Variants in SFMBT2 observed in about 807,000 individuals in gnomAD.
The protein encoded by SFMBT2 is Scm like with four mbt domains 2.
SFMBT2 carries 38 observed loss-of-function variants against 110.1 expected under a neutral mutation model. The ratio of observed to expected loss-of-function variants is 0.35; its 90% CI spans 0.27 to 0.45. The LOEUF is 0.45. Ranked by LOEUF, SFMBT2 falls within the 20% of genes least tolerant of loss-of-function variation. SFMBT2 has a pLI of 1.00. For missense variants in SFMBT2, 1,011 were observed against 1,094.9 expected (o/e 0.92, Z 1.08); for synonymous variants, 425 against 425.4 (o/e 1.00, Z 0.01).
At chr10:7,198,100 C>A in intron 14 of SFMBT2, 1 of 985,404 alleles carries the variant, frequency 1.0e-6, no homozygotes, top group Non-Finnish European at 1.2e-6. Context: ...TCACCACACA[C>A]AGAAGCATGC....
chr10:7,348,298 G>A, intron 4 of SFMBT2: 1 of 1,529,662 alleles, frequency 6.5e-7, no homozygotes, highest in Non-Finnish European at 8.8e-7. Flanking sequence ...TAAGAAATAT[G>A]TTGAACAGAA....
intron 20 of SFMBT2, among the ~76,000 whole-genome samples, chr10:7,164,746 AACACACACACACACACAC>A (rs58744416): frequency 1.5e-4 from 21 of 137,846 alleles, no homozygotes; most frequent in Admixed American, 5.9e-4. Context: ...CATAAAGGGA[AACACACACACACACACAC>A]ACACACACAC....
intron 11 of SFMBT2, among the ~76,000 whole-genome samples, chr10:7,210,262 T>C (rs968897782): frequency 2.6e-5 from 4 of 152,194 alleles, no homozygotes; most frequent in African/African-American, 9.7e-5. Context: ...AAAAGGGAGA[T>C]GCTTATGGCT....
intron 4 of SFMBT2, among the ~76,000 whole-genome samples, chr10:7,319,673 A>C (rs981889665): frequency 1.3e-5 from 2 of 152,122 alleles, no homozygotes; most frequent in Non-Finnish European, 1.5e-5. Context: ...AGAGAGACAG[A>C]GAGAGACAAA....
intron 7 of SFMBT2, among the ~76,000 whole-genome samples, chr10:7,274,093 G>A (rs1292708465): frequency 6.6e-6 from 1 of 152,164 alleles, no homozygotes; most frequent in African/African-American, 2.4e-5. Context: ...GGAATACTAT[G>A]CAGCCCCTGC....
chr10:7,303,011 T>TAAA (rs34419665), intron 4 of SFMBT2, among the ~76,000 whole-genome samples: 1 of 150,448 alleles, frequency 6.6e-6, no homozygotes, highest in Non-Finnish European at 1.5e-5. Flanking sequence ...GTTACAATGT[T>TAAA]AAAAAAAAAA....
At chr10:7,342,396 CTTTTTTTTTTTTTTTTTT>C (rs71382101) in intron 4 of SFMBT2, among the ~76,000 whole-genome samples, 13 of 69,666 alleles carry the variant, frequency 1.9e-4, no homozygotes, top group South Asian at 1.0e-3. Context: ...TGGAGTGAGT[CTTTTTTTTTTTTTTTTTT>C]TTTTTTTTTT....
At chr10:7,409,755 G>T (rs1846321872) in intron 1 of SFMBT2, among the ~76,000 whole-genome samples, 1 of 151,838 alleles carries the variant, frequency 6.6e-6, no homozygotes, top group Admixed American at 6.6e-5. Context: ...CTTCAGCTGG[G>T]TTTTTTCCCA....
chr10:7,357,002 G>C (rs1173015583), intron 4 of SFMBT2, among the ~76,000 whole-genome samples: 1 of 152,330 alleles, frequency 6.6e-6, no homozygotes, highest in East Asian at 1.9e-4. Context: ...CAGCATTAAA[G>C]ATAATCCATG....
rs140835534 is a variant in SFMBT2, at chr10:7,282,920, C to G, written c.772+984G>C. 1.4e-3 allele frequency among the ~76,000 whole-genome samples: 210 copies of G among 152,310 alleles called. 2 individuals carry two copies. The highest frequency in any genetic ancestry group is 0.011 in the Admixed American group (165 of 15,302). Reference sequence around the variant, plus strand: ...AATACGTACTTCCTCCTTGGCATCTCTAATTCTACAAGAATCCAGTATTTC... The same window carrying G: ...AATACGTACTTCCTCCTTGGCATCTGTAATTCTACAAGAATCCAGTATTTC... On this transcript the variant is annotated intron_variant, in intron 6 of 20. Transcript: ENST00000397167.
At chr10:7,279,541 T>C (rs1379211074) in intron 6 of SFMBT2, among the ~76,000 whole-genome samples, 2 of 152,198 alleles carry the variant, frequency 1.3e-5, no homozygotes, top group Non-Finnish European at 2.9e-5. Context: ...CTGGTTATAC[T>C]AGCAAGTTAA....
chr10:7,309,280 G>A (rs756770581), intron 4 of SFMBT2, among the ~76,000 whole-genome samples: 4 of 152,160 alleles, frequency 2.6e-5, no homozygotes, highest in Non-Finnish European at 4.4e-5. Flanking sequence ...GTTATGAAGC[G>A]GCTGTGTAAA....
chr10:7,404,046 G>C (rs1175592186), intron 1 of SFMBT2, among the ~76,000 whole-genome samples: 1 of 152,174 alleles, frequency 6.6e-6, no homozygotes, highest in Non-Finnish European at 1.5e-5. Flanking sequence ...CTGTATGCTT[G>C]TATCGAAATA....
At chr10:7,231,905 T>C (rs1365715863) in intron 9 of SFMBT2, among the ~76,000 whole-genome samples, 3 of 152,210 alleles carry the variant, frequency 2.0e-5, no homozygotes, top group East Asian at 1.9e-4. Flanking sequence ...TTGCTGTGGA[T>C]GGTATAATAG....
chr10:7,247,362 C>T (rs1378395194), intron 8 of SFMBT2, among the ~76,000 whole-genome samples: 2 of 152,148 alleles, frequency 1.3e-5, no homozygotes, highest in African/African-American at 4.8e-5. Context: ...GGTGATCATC[C>T]CACCTCAGCC....
At chr10:7,196,601 T>A (rs1838775646) in intron 15 of SFMBT2, among the ~76,000 whole-genome samples, 1 of 152,226 alleles carries the variant, frequency 6.6e-6, no homozygotes, top group Non-Finnish European at 1.5e-5. Flanking sequence ...GCAGAGCCTA[T>A]TTCTTTTTTA....
intron 4 of SFMBT2, among the ~76,000 whole-genome samples, chr10:7,334,615 C>T (rs958941412): frequency 3.3e-5 from 5 of 152,070 alleles, no homozygotes; most frequent in Admixed American, 6.5e-5. Flanking sequence ...GACCTGTCAC[C>T]GATACAGACA....
rs1054597959 is a variant in SFMBT2 at position 7,291,415 on chromosome 10, C to CT, written c.437-5462dup. Among the ~76,000 whole-genome samples, 29 of 152,286 alleles carry CT rather than the reference C, an allele frequency of 1.9e-4. 1 individual carries two copies. Among genetic ancestry groups the CT allele is most frequent in the South Asian group, 1.0e-3 (5 of 4,828 alleles). ...GTCACAGTTTTCGTTTGCAATGTTT[C>CT]TTTCTTGCTTTTGGTAGTTCCTTCC... On this transcript the variant is annotated intron_variant, in intron 4 of 20. Transcript: ENST00000397167.
intron 4 of SFMBT2, among the ~76,000 whole-genome samples, chr10:7,359,313 G>A (rs1391830963): frequency 6.6e-6 from 1 of 152,214 alleles, no homozygotes; most frequent in East Asian, 1.9e-4. Context: ...AGCTGCATCT[G>A]GAGCAGGCCA....
Sources: gnomAD v4.1 joint callset for allele counts (sites outside exome capture counted in the v4.1 genomes callset) on GRCh38, gnomAD v4.1.1 for gene constraint, MANE v1.5 for transcripts, NCBI Gene and HGNC (gene_info 2026-07-23, HGNC 2026-07-21) for gene names.